Variants in SIN3A observed in about 807,000 individuals in gnomAD.
SIN3A encodes the protein SIN3 transcription regulator family member A.
A neutral mutation model predicts 146.1 loss-of-function variants in SIN3A; 14 were observed. That is an observed-to-expected ratio of 0.10 (90% CI 0.06 to 0.15). SIN3A has a LOEUF of 0.15. SIN3A is among the 10% of genes least tolerant of loss of function. The pLI, the probability that SIN3A is intolerant of heterozygous loss-of-function variation, is 1.00. For missense variants in SIN3A, 1,028 were observed against 1,576.0 expected (o/e 0.65, Z 5.89); for synonymous variants, 572 against 572.0 (o/e 1.00, Z 0.00).
chr15:75,400,062 C>T lies in SIN3A; in HGVS notation c.1832G>A (p.Arg611His). The T allele has an allele frequency of 6.2e-7, 1 of 1,604,768 alleles. No homozygotes were observed. Among genetic ancestry groups the T allele is most frequent in the Non-Finnish European group, 8.5e-7 (1 of 1,171,752 alleles). ...TACCTCAAAGCGTTCATCTTCACAA[C>T]GATAAATATGTTCTTCATATTGAGT... ...KKTQYEEHIY[R>H]CEDERFELDV... The change falls in exon 12 of 21, where the codon CGT becomes CAT. Residue 611 changes from arginine to histidine, a missense_variant. Around this residue, in one of 9 missense-constraint regions of SIN3A, gnomAD observed 157 missense variants for 284.8 expected, o/e 0.55. Coordinates refer to ENST00000394947, the MANE Select transcript of SIN3A (RefSeq NM_001145358.2).
intron 7 of SIN3A, 53 bp from the exon 8 acceptor site, chr15:75,410,044 C>T: frequency 6.2e-7 from 1 of 1,607,314 alleles, no homozygotes; most frequent in Admixed American, 1.7e-5. Flanking sequence ...AAACAAATAT[C>T]ATCTAGGAAA....
At chr15:75,384,528 C>CAA in intron 16 of SIN3A, 91 bp from the exon 17 acceptor site, 1 of 287,370 alleles carries the variant, frequency 3.5e-6, no homozygotes, top group Non-Finnish European at 5.0e-6. Flanking sequence ...CATTCAACTC[C>CAA]AAAAAGGTTT....
At chr15:75,449,111 A>G (rs1280640090) in intron 1 of SIN3A, among the ~76,000 whole-genome samples, 2 of 152,202 alleles carry the variant, frequency 1.3e-5, no homozygotes, top group South Asian at 2.1e-4. Context: ...TGGGAACTAT[A>G]TATGTAGCCC....
chr15:75,407,822 G>A (rs917886488), intron 8 of SIN3A, among the ~76,000 whole-genome samples: 1 of 147,846 alleles, frequency 6.8e-6, no homozygotes, highest in Non-Finnish European at 1.5e-5. Context: ...GAACCCAGGA[G>A]GTGGAGGCTG....
chr15:75,392,896 C>T, intron 14 of SIN3A, 81 bp from the exon 15 acceptor site: 1 of 1,034,376 alleles, frequency 9.7e-7, no homozygotes, highest in Non-Finnish European at 1.4e-6. Flanking sequence ...AGCCATACAT[C>T]CCATTATCAA....
chr15:75,404,473 T>C (rs1217866356), intron 9 of SIN3A, among the ~76,000 whole-genome samples: 2 of 152,152 alleles, frequency 1.3e-5, no homozygotes, highest in Non-Finnish European at 2.9e-5. Context: ...GAAAATGCCA[T>C]TACAGGACTG....
chr15:75,413,537 G>C (rs1389262172), intron 4 of SIN3A, among the ~76,000 whole-genome samples: 1 of 146,304 alleles, frequency 6.8e-6, no homozygotes, highest in Non-Finnish European at 1.5e-5. Context: ...AAGATACTTG[G>C]CCACAATTTG....
intron 2 of SIN3A, among the ~76,000 whole-genome samples, chr15:75,425,044 G>T (rs559911932): frequency 2.5e-3 from 376 of 152,216 alleles, no homozygotes; most frequent in Non-Finnish European, 3.8e-3. Context: ...CAAAGACCCT[G>T]TCTCAAAAAA....
chr15:75,380,864 C>T (rs1322182585), intron 18 of SIN3A, 141 bp from the exon 19 acceptor site: 4 of 632,928 alleles, frequency 6.3e-6, no homozygotes, highest in Non-Finnish European at 1.1e-5. Context: ...TCTATAAAGA[C>T]ATGATTGTTA....
intron 1 of SIN3A, among the ~76,000 whole-genome samples, chr15:75,432,145 C>T (rs1331430965): frequency 6.6e-6 from 1 of 152,154 alleles, no homozygotes; most frequent in Non-Finnish European, 1.5e-5. Flanking sequence ...TATTCAAAAA[C>T]CTTTTAGACA....
rs375860167 is a variant in SIN3A at position 75,377,397 on chromosome 15, G to A, written c.3384-1525C>T. On this transcript the variant is annotated intron_variant, in intron 19 of 20. Coordinates refer to ENST00000394947, the MANE Select transcript of SIN3A (RefSeq NM_001145358.2). ...CCCAGCACTCTGGGAGGCTGAGGCA[G>A]GCAGATCACTTGAGGTCAGGAGTTT... 4.6e-5 allele frequency among the ~76,000 whole-genome samples: 7 copies of A among 152,268 alleles called. No individual in the cohort carries two copies. In the South Asian group the frequency reaches 1.0e-3, roughly 23 times the overall value.
At chr15:75,391,410 A>G (rs1284316694) in intron 15 of SIN3A, among the ~76,000 whole-genome samples, 1 of 152,154 alleles carries the variant, frequency 6.6e-6, no homozygotes, top group Non-Finnish European at 1.5e-5. Context: ...ACTAGTCTAG[A>G]TAAAAGCTTT....
chr15:75,417,194 T>C (rs1270185809), intron 3 of SIN3A, among the ~76,000 whole-genome samples: 1 of 152,160 alleles, frequency 6.6e-6, no homozygotes, highest in East Asian at 1.9e-4. Context: ...GGCTAAGCTA[T>C]GAGTCTGATT....
intron 1 of SIN3A, among the ~76,000 whole-genome samples, chr15:75,437,273 A>G (rs906441499): frequency 2.6e-5 from 4 of 151,974 alleles, no homozygotes; most frequent in Admixed American, 6.6e-5. Context: ...CCTGGGCTCA[A>G]GTAATCCTCC....
intron 12 of SIN3A, among the ~76,000 whole-genome samples, chr15:75,398,003 C>T (rs1360398555): frequency 6.6e-6 from 1 of 152,148 alleles, no homozygotes; most frequent in African/African-American, 2.4e-5. Flanking sequence ...AACCACCTGC[C>T]AGTGGCCAGG....
intron 15 of SIN3A, among the ~76,000 whole-genome samples, chr15:75,391,750 C>A (rs2073206806): frequency 6.6e-6 from 1 of 152,174 alleles, no homozygotes; most frequent in African/African-American, 2.4e-5. Flanking sequence ...TCTCATATCA[C>A]CTTTTGAGTT....
chr15:75,388,784 A>G, intron 16 of SIN3A: 1 of 153,214 alleles, frequency 6.5e-6, no homozygotes, highest in East Asian at 1.8e-4. Context: ...ATGGGCAAAA[A>G]GGGCCAAGGG....
intron 2 of SIN3A, among the ~76,000 whole-genome samples, chr15:75,428,176 C>T (rs2073959297): frequency 6.6e-6 from 1 of 152,008 alleles, no homozygotes; most frequent in Admixed American, 6.6e-5. Flanking sequence ...ATGCATATAC[C>T]CTGTGACACA....
At chr15:75,394,157 C>T (rs1255789071) in intron 14 of SIN3A, among the ~76,000 whole-genome samples, 7 of 152,138 alleles carry the variant, frequency 4.6e-5, no homozygotes, top group Non-Finnish European at 1.0e-4. Flanking sequence ...AGTTCAGGAT[C>T]ACCCCACTCC....
Sources: allele counts gnomAD v4.1 joint callset (sites outside exome capture counted in the v4.1 genomes callset), GRCh38; gene constraint gnomAD v4.1.1; regional missense constraint gnomAD v4.1.1; transcripts MANE v1.5; gene names NCBI Gene and HGNC (gene_info 2026-07-23, HGNC 2026-07-21).